The following LATS2 variants were observed in gnomAD, a reference collection of about 807,000 sequenced individuals.
LATS2 encodes large tumor suppressor kinase 2, also known as serine/threonine-protein kinase LATS2.
Under a neutral mutation model 76.0 loss-of-function variants are expected in LATS2, and 24 were observed. That is an observed-to-expected ratio of 0.32 (90% CI 0.23 to 0.44). LATS2 has a LOEUF of 0.44. Ranked by LOEUF, LATS2 falls within the 20% of genes least tolerant of loss-of-function variation. LATS2 has a pLI of 1.00. For synonymous variants in LATS2, 692 were observed against 635.4 expected (o/e 1.09, Z -1.34); for missense variants, 1,286 against 1,481.2 (o/e 0.87, Z 2.16).
chr13:21,047,532 T>C (rs1462611698), intron 1 of LATS2, among the ~76,000 whole-genome samples: 1 of 152,130 alleles, frequency 6.6e-6, no homozygotes, highest in Non-Finnish European at 1.5e-5. Flanking sequence ...CAGAACTCAA[T>C]GAGCAGATTT....
intron 7 of LATS2, among the ~76,000 whole-genome samples, chr13:20,977,578 C>T (rs1186582884): frequency 2.0e-5 from 3 of 150,974 alleles, no homozygotes; most frequent in East Asian, 3.9e-4. Flanking sequence ...CTGAATTATA[C>T]ACTAAAATAA....
chr13:21,013,606 CTCTT>C (rs759625572), intron 2 of LATS2, among the ~76,000 whole-genome samples: 5 of 152,152 alleles, frequency 3.3e-5, no homozygotes, highest in Admixed American at 6.6e-5. Context: ...TTGGAACGTT[CTCTT>C]TATTTACTCT....
intron 2 of LATS2, among the ~76,000 whole-genome samples, chr13:21,027,555 T>A (rs1220883700): frequency 6.6e-6 from 1 of 152,154 alleles, no homozygotes; most frequent in African/African-American, 2.4e-5. Context: ...TAAGTGTGGG[T>A]CTATTTTTGT....
chr13:20,983,867 G>C, intron 4 of LATS2, 61 bp from the exon 5 acceptor site: 1 of 1,338,976 alleles, frequency 7.5e-7, no homozygotes, highest in South Asian at 1.3e-5. Context: ...GATAACAAAT[G>C]ACTGGGATGG....
intron 2 of LATS2, among the ~76,000 whole-genome samples, chr13:21,000,023 C>G (rs921657603): frequency 2.6e-5 from 4 of 151,948 alleles, no homozygotes; most frequent in Admixed American, 2.6e-4. Context: ...CAAAACAAAA[C>G]AAAGAAACAC....
At chr13:21,027,314 C>G (rs1380363746) in intron 2 of LATS2, among the ~76,000 whole-genome samples, 2 of 152,074 alleles carry the variant, frequency 1.3e-5, no homozygotes, top group African/African-American at 4.8e-5. Context: ...TTATCCTATG[C>G]TTTTTTCCCC....
intron 1 of LATS2, among the ~76,000 whole-genome samples, chr13:21,055,003 C>T (rs1052667520): frequency 3.3e-5 from 5 of 152,168 alleles, no homozygotes; most frequent in South Asian, 2.1e-4. Flanking sequence ...ATAGTACCTA[C>T]GGATAAACTG....
chr13:21,030,221 GA>G (rs972741739), intron 2 of LATS2, among the ~76,000 whole-genome samples: 7 of 151,958 alleles, frequency 4.6e-5, no homozygotes, highest in Non-Finnish European at 1.0e-4. Flanking sequence ...ATTTCAACAT[GA>G]AATTTGGGTG....
chr13:21,058,574 C>T (rs934952548), intron 1 of LATS2, among the ~76,000 whole-genome samples: 1 of 152,208 alleles, frequency 6.6e-6, no homozygotes, highest in Non-Finnish European at 1.5e-5. Flanking sequence ...GGAACATGTA[C>T]AGCTCCAATT....
intron 2 of LATS2, among the ~76,000 whole-genome samples, chr13:21,036,890 A>G (rs1052233510): frequency 1.3e-5 from 2 of 152,250 alleles, no homozygotes; most frequent in Non-Finnish European, 2.9e-5. Context: ...GGTTGGAAGT[A>G]TAAATTCAAT....
Position 20,983,632 on chromosome 13 carries a change from C to T in LATS2, c.2074G>A (p.Ala692Thr), listed in dbSNP as rs575902148. 5.6e-5 allele frequency: 90 copies of T among 1,613,954 alleles called. No individual in the cohort carries two copies. The highest frequency in any genetic ancestry group is 7.3e-5 in the Non-Finnish European group (86 of 1,180,042). Residue 692 changes from alanine to threonine, a missense_variant, in exon 5 of 8, where the codon GCC becomes ACC. Ala to Thr is a moderately conservative substitution (Grantham distance 58, BLOSUM62 0). This residue lies in a region of LATS2 where 247 missense variants were observed against 385.4 expected (regional missense o/e 0.64). Coordinates refer to ENST00000382592, the MANE Select transcript of LATS2 (RefSeq NM_014572.3). Reference sequence around the variant, plus strand: ...CTTAGGGTCTTCATGGCGTACAGGGCGTGAGTGTCCACCTTACAAGCAAGG... The same window carrying T: ...CTTAGGGTCTTCATGGCGTACAGGGTGTGAGTGTCCACCTTACAAGCAAGG... ...VCLACKVDTH[A>T]LYAMKTLRKK...
intron 2 of LATS2, among the ~76,000 whole-genome samples, chr13:21,007,630 A>ATATATAGTG (rs1871356806): frequency 1.6e-3 from 1 of 622 alleles, no homozygotes; most frequent in African/African-American, 2.0e-3. Flanking sequence ...TAGTGTATAT[A>ATATATAGTG]TATATATATA....
At chr13:20,975,843 C>T (rs1005952819) in intron 7 of LATS2, among the ~76,000 whole-genome samples, 2 of 152,114 alleles carry the variant, frequency 1.3e-5, no homozygotes, top group African/African-American at 4.8e-5. Flanking sequence ...GCCACCACAC[C>T]CGGCTGATTT....
At position 20,998,992 on chromosome 13, in the gene LATS2, C is replaced by G. The variant is rs146320345; in HGVS notation, c.343-7588G>C. ...TTTCCACGACCTTGTCCACGCAGGA[C>G]AGGGATCCCCGCGACCTTGTGCACG... On this transcript the variant is annotated intron_variant, in intron 2 of 7. Coordinates refer to ENST00000382592, the MANE Select transcript of LATS2 (RefSeq NM_014572.3). Among the ~76,000 whole-genome samples, 677 of 151,840 alleles carry G rather than the reference C, an allele frequency of 4.5e-3. 5 individuals are homozygous for G. The highest frequency in any genetic ancestry group is 0.016 in the African/African-American group (649 of 41,392).
At chr13:21,022,342 T>TG (rs1228096466) in intron 2 of LATS2, among the ~76,000 whole-genome samples, 3 of 152,176 alleles carry the variant, frequency 2.0e-5, no homozygotes, top group African/African-American at 7.2e-5. Context: ...GTGCATGTAC[T>TG]GAGTCAGGAC....
In LATS2 at chr13:20,988,418, C is replaced by A; in HGVS notation, c.1362G>T (p.Pro454=). Residue 454 remains proline, a synonymous_variant, in exon 4 of 8, where the codon CCG becomes CCT. Coordinates refer to ENST00000382592, the MANE Select transcript of LATS2 (RefSeq NM_014572.3). ...GGTGCGAGGGCCCCACAGCCGTCTGCGGCTCCGGCCTCAGCACACGCACGC... is the reference window on the plus strand; with the variant it reads ...GGTGCGAGGGCCCCACAGCCGTCTGAGGCTCCGGCCTCAGCACACGCACGC... ...VKSVRVLRPE[P]QTAVGPSHPA... 1 of 1,430,386 alleles carries A rather than the reference C, an allele frequency of 7.0e-7. No homozygotes were observed. The highest frequency in any genetic ancestry group is 9.1e-7 in the Non-Finnish European group (1 of 1,101,226). The allele number at this position is 1,430,386 out of a possible 1,614,324, so 88.6% of individuals were successfully genotyped here. A position where few individuals can be genotyped will look rare whatever the true frequency, so the allele number is the denominator to read the frequency against.
At chr13:21,012,040 T>C (rs934558362) in intron 2 of LATS2, among the ~76,000 whole-genome samples, 61 of 152,220 alleles carry the variant, frequency 4.0e-4, no homozygotes, top group African/African-American at 1.4e-3. Flanking sequence ...CATTTTTTTT[T>C]CTCATCAACG....
At chr13:21,007,693 A>AGTG (rs545962056) in intron 2 of LATS2, among the ~76,000 whole-genome samples, 2 of 1,090 alleles carry the variant, frequency 1.8e-3, no homozygotes, top group South Asian at 0.045. Context: ...GTATATATAT[A>AGTG]TATATAGTAT....
At chr13:21,048,681 T>TA (rs1485008475) in intron 1 of LATS2, among the ~76,000 whole-genome samples, 1 of 151,308 alleles carries the variant, frequency 6.6e-6, no homozygotes, top group Non-Finnish European at 1.5e-5. Flanking sequence ...TAACTAAACA[T>TA]AAAAAATTAG....
Sources: gnomAD v4.1 joint callset for allele counts (sites outside exome capture counted in the v4.1 genomes callset) on GRCh38, gnomAD v4.1.1 for gene constraint, gnomAD v4.1.1 regional missense constraint, MANE v1.5 for transcripts, NCBI Gene and HGNC (gene_info 2026-07-23, HGNC 2026-07-21) for gene names.